Variants in PRKD1 observed in about 807,000 individuals in gnomAD.
The protein encoded by PRKD1 is protein kinase D1, also known as serine/threonine-protein kinase D1.
A neutral mutation model predicts 95.9 loss-of-function variants in PRKD1; 63 were observed. That is an observed-to-expected ratio of 0.66 (90% CI 0.54 to 0.81). The LOEUF (loss-of-function observed/expected upper bound fraction) is 0.81. Among genes scored for constraint, PRKD1 ranks in the 30% least tolerant of loss-of-function variants. The pLI, the probability that PRKD1 is intolerant of heterozygous loss-of-function variation, is 0.00. For missense variants in PRKD1, 1,048 were observed against 1,165.3 expected (o/e 0.90, Z 1.47); for synonymous variants, 425 against 423.1 (o/e 1.00, Z -0.05).
chr14:29,588,790 TTGTGTGTGTGTG>T (rs34773417), intron 16 of PRKD1, among the ~76,000 whole-genome samples: 23,139 of 145,362 alleles, frequency 0.16, 1,935 homozygotes, highest in African/African-American at 0.22. Context: ...ATTCCTAAAG[TTGTGTGTGTGTG>T]TGTGTGTGTG....
intron 13 of PRKD1, among the ~76,000 whole-genome samples, chr14:29,607,158 G>T (rs1173780902): frequency 6.6e-6 from 1 of 152,136 alleles, no homozygotes; most frequent in Non-Finnish European, 1.5e-5. Context: ...TGGGCCCAAT[G>T]TCCCCCTTTA....
chr14:29,905,694 G>C (rs1202242996), intron 1 of PRKD1, among the ~76,000 whole-genome samples: 1 of 152,100 alleles, frequency 6.6e-6, no homozygotes, highest in Non-Finnish European at 1.5e-5. Flanking sequence ...GTGCACCAAG[G>C]GCTGGGAGAA....
At chr14:29,663,203 G>A (rs934890583) in intron 4 of PRKD1, among the ~76,000 whole-genome samples, 2 of 144,492 alleles carry the variant, frequency 1.4e-5, no homozygotes, top group African/African-American at 5.2e-5. Context: ...AAAGTGTTAA[G>A]TCCTATTTTT....
At chr14:29,649,093 G>A (rs992943871) in intron 4 of PRKD1, among the ~76,000 whole-genome samples, 8 of 152,178 alleles carry the variant, frequency 5.3e-5, no homozygotes, top group Non-Finnish European at 1.0e-4. Flanking sequence ...TGCCTTATTT[G>A]GGTCCCAGTG....
chr14:29,850,895 T>A (rs1438463209), intron 1 of PRKD1, among the ~76,000 whole-genome samples: 2 of 140,904 alleles, frequency 1.4e-5, no homozygotes, highest in African/African-American at 5.4e-5. Context: ...CAAAAAAAAA[T>A]TAAAAAAAAA....
intron 1 of PRKD1, among the ~76,000 whole-genome samples, chr14:29,913,665 G>A (rs1021770412): frequency 1.3e-5 from 2 of 152,198 alleles, no homozygotes; most frequent in African/African-American, 2.4e-5. Context: ...CACATTAGTA[G>A]ATGAAATTAA....
chr14:29,917,439 A>G (rs1383173856), intron 1 of PRKD1, among the ~76,000 whole-genome samples: 1 of 151,828 alleles, frequency 6.6e-6, no homozygotes, highest in Non-Finnish European at 1.5e-5. Context: ...GTCGGTGAAT[A>G]AATTTCAAGC....
intron 2 of PRKD1, among the ~76,000 whole-genome samples, chr14:29,683,298 T>C (rs1332899830): frequency 6.6e-6 from 1 of 152,138 alleles, no homozygotes; most frequent in Admixed American, 6.5e-5. Context: ...ACAGTGACAA[T>C]GAGCCCTTAC....
intron 4 of PRKD1, among the ~76,000 whole-genome samples, chr14:29,644,411 A>G (rs1880992798): frequency 6.6e-6 from 1 of 152,202 alleles, no homozygotes; most frequent in African/African-American, 2.4e-5. Context: ...GGAATGGTTG[A>G]GACTATAGTA....
intron 13 of PRKD1, among the ~76,000 whole-genome samples, chr14:29,609,506 GCACA>G (rs150570301): frequency 4.0e-3 from 509 of 127,480 alleles, no homozygotes; most frequent in African/African-American, 0.014. Context: ...GTGTGTGCGT[GCACA>G]CACACACACA....
intron 1 of PRKD1, among the ~76,000 whole-genome samples, chr14:29,896,436 G>T (rs1489239265): frequency 6.6e-6 from 1 of 151,878 alleles, no homozygotes; most frequent in Non-Finnish European, 1.5e-5. Flanking sequence ...CTTTGAACAG[G>T]TAATATTTGC....
At chr14:29,912,998 T>A (rs555113616) in intron 1 of PRKD1, among the ~76,000 whole-genome samples, 1 of 152,362 alleles carries the variant, frequency 6.6e-6, no homozygotes, top group East Asian at 1.9e-4. Context: ...TATTGCAGTA[T>A]CTTGGATTAC....
rs534435671 is a variant in PRKD1, at chr14:29,755,852, T to G, written c.265-30178A>C. ...TTTCAACTTTGTTTAAACTTGACTTTCTTTGGAACCTGTGAACAACCAGCT... is the reference window on the plus strand; with the variant it reads ...TTTCAACTTTGTTTAAACTTGACTTGCTTTGGAACCTGTGAACAACCAGCT... On this transcript the variant is annotated intron_variant, in intron 1 of 17. Coordinates refer to ENST00000331968, the MANE Select transcript of PRKD1 (RefSeq NM_002742.3). Among the ~76,000 whole-genome samples the G allele has an allele frequency of 5.3e-5, 8 of 152,280 alleles. No homozygotes were observed. The South Asian group carries it at 1.0e-3, about 20-fold the overall frequency.
At chr14:29,709,494 G>A (rs1173946950) in intron 2 of PRKD1, among the ~76,000 whole-genome samples, 1 of 152,110 alleles carries the variant, frequency 6.6e-6, no homozygotes, top group East Asian at 1.9e-4. Flanking sequence ...TGTTATATTA[G>A]GATTCTCCAG....
At chr14:29,653,531 A>G (rs1881642670) in intron 4 of PRKD1, among the ~76,000 whole-genome samples, 1 of 152,162 alleles carries the variant, frequency 6.6e-6, no homozygotes, top group African/African-American at 2.4e-5. Flanking sequence ...GTCATCCAAT[A>G]TCTTAAATTC....
intron 1 of PRKD1, among the ~76,000 whole-genome samples, chr14:29,835,014 C>T (rs1891557923): frequency 6.6e-6 from 1 of 152,088 alleles, no homozygotes; most frequent in Non-Finnish European, 1.5e-5. Flanking sequence ...GCGGAACTAA[C>T]TTGTCCTTCC....
intron 1 of PRKD1, among the ~76,000 whole-genome samples, chr14:29,893,654 T>C (rs1894017481): frequency 6.6e-6 from 1 of 152,210 alleles, no homozygotes; most frequent in Non-Finnish European, 1.5e-5. Flanking sequence ...CTGACATCAT[T>C]TTCTTTAGCA....
chr14:29,863,500 T>G (rs760983486), intron 1 of PRKD1, among the ~76,000 whole-genome samples: 3 of 152,160 alleles, frequency 2.0e-5, no homozygotes, highest in Non-Finnish European at 4.4e-5. Flanking sequence ...AATCTCTCAC[T>G]CTACTTTGTT....
intron 1 of PRKD1, among the ~76,000 whole-genome samples, chr14:29,855,233 C>T (rs191293343): frequency 3.6e-3 from 545 of 152,218 alleles, no homozygotes; most frequent in Non-Finnish European, 6.2e-3. Flanking sequence ...TCAATGTCGG[C>T]CCATGAAAAC....
Sources: allele counts gnomAD v4.1 joint callset (sites outside exome capture counted in the v4.1 genomes callset), GRCh38; gene constraint gnomAD v4.1.1; transcripts MANE v1.5; gene names NCBI Gene and HGNC (gene_info 2026-07-23, HGNC 2026-07-21).